Variants in ASAP1 observed in about 807,000 individuals in gnomAD.
ASAP1 encodes the protein ArfGAP with SH3 domain, ankyrin repeat and PH domain 1.
A neutral mutation model predicts 145.2 loss-of-function variants in ASAP1; 43 were observed. The ratio of observed to expected loss-of-function variants is 0.30; its 90% confidence interval spans 0.23 to 0.38. The LOEUF (loss-of-function observed/expected upper bound fraction) is 0.38. ASAP1 is among the 10% of genes least tolerant of loss of function. ASAP1 has a pLI of 1.00. For synonymous variants in ASAP1, 546 were observed against 515.5 expected (o/e 1.06, Z -0.80); for missense variants, 1,018 against 1,355.3 (o/e 0.75, Z 3.91).
At chr8:130,123,939 AAG>A (rs1491534531) in intron 18 of ASAP1, 72 bp downstream of exon 18, 37 of 1,218,458 alleles carry the variant, frequency 3.0e-5, no homozygotes, top group Middle Eastern at 4.5e-4. Flanking sequence ...AAAAAAAAAA[AAG>A]AAGTTTTTTG....
chr8:130,197,516 C>T (rs1394915399), intron 5 of ASAP1, among the ~76,000 whole-genome samples: 1 of 152,214 alleles, frequency 6.6e-6, no homozygotes, highest in South Asian at 2.1e-4. Context: ...AGAGGTGGCT[C>T]GTTTTACACA....
At chr8:130,182,295 C>T (rs1814407533) in intron 7 of ASAP1, among the ~76,000 whole-genome samples, 2 of 152,172 alleles carry the variant, frequency 1.3e-5, no homozygotes, top group South Asian at 4.1e-4. Context: ...AACAGATAAT[C>T]TCCCAAAGAA....
At chr8:130,184,839 C>T (rs1814610099) in intron 7 of ASAP1, among the ~76,000 whole-genome samples, 1 of 152,224 alleles carries the variant, frequency 6.6e-6, no homozygotes, top group Admixed American at 6.5e-5. Flanking sequence ...CTTCAACACA[C>T]TACCTTATCT....
At chr8:130,332,111 G>A (rs1313128002) in intron 3 of ASAP1, among the ~76,000 whole-genome samples, 1 of 152,174 alleles carries the variant, frequency 6.6e-6, no homozygotes, top group Non-Finnish European at 1.5e-5. Flanking sequence ...TTGGGTCACA[G>A]AGTAAACATT....
At chr8:130,079,814 C>T in intron 26 of ASAP1, 88 bp downstream of exon 26, 2 of 1,385,108 alleles carry the variant, frequency 1.4e-6, no homozygotes, top group Non-Finnish European at 2.0e-6. Flanking sequence ...TTGAGCAGCG[C>T]TGGGAAATTC....
intron 4 of ASAP1, among the ~76,000 whole-genome samples, chr8:130,218,975 A>C (rs911268510): frequency 6.6e-6 from 1 of 152,100 alleles, no homozygotes; most frequent in Non-Finnish European, 1.5e-5. Flanking sequence ...AAAATATAAC[A>C]GTTTAGTAAG....
chr8:130,298,049 A>C (rs569018938), intron 3 of ASAP1, among the ~76,000 whole-genome samples: 1 of 152,176 alleles, frequency 6.6e-6, no homozygotes, highest in Non-Finnish European at 1.5e-5. Flanking sequence ...CCATGTCTTC[A>C]TTGCTAAACA....
intron 2 of ASAP1, 130 bp downstream of exon 2, chr8:130,401,755 T>C: frequency 2.6e-6 from 2 of 781,022 alleles, no homozygotes; most frequent in South Asian, 3.7e-5. Context: ...CCAATAACAA[T>C]CGTGCACACA....
chr8:130,118,073 A>G, intron 20 of ASAP1, 88 bp downstream of exon 20: 1 of 1,140,138 alleles, frequency 8.8e-7, no homozygotes, highest in Non-Finnish European at 1.3e-6. Flanking sequence ...AAGCTTGCCA[A>G]TTCCCGATCT....
intron 2 of ASAP1, among the ~76,000 whole-genome samples, chr8:130,393,562 C>A (rs1308427453): frequency 2.0e-5 from 3 of 152,168 alleles, no homozygotes; most frequent in Non-Finnish European, 4.4e-5. Context: ...TCAAGAACAG[C>A]CTGACCAACA....
intron 3 of ASAP1, 115 bp downstream of exon 3, chr8:130,357,902 G>T: frequency 7.1e-7 from 1 of 1,404,560 alleles, no homozygotes; most frequent in Non-Finnish European, 9.6e-7. Context: ...GGCTCCCTGA[G>T]GGGGTGTGGC....
At chr8:130,345,942 C>T (rs1825678149) in intron 3 of ASAP1, among the ~76,000 whole-genome samples, 1 of 152,208 alleles carries the variant, frequency 6.6e-6, no homozygotes, top group Non-Finnish European at 1.5e-5. Flanking sequence ...TAAGCATCTG[C>T]AGCACAACCT....
chr8:130,249,690 A>G (rs1212131007), intron 3 of ASAP1, among the ~76,000 whole-genome samples: 4 of 152,162 alleles, frequency 2.6e-5, no homozygotes, highest in Non-Finnish European at 5.9e-5. Context: ...AACAGTTATT[A>G]ATCTTTTAAG....
At chr8:130,391,207 T>C (rs76176561) in intron 2 of ASAP1, among the ~76,000 whole-genome samples, 1,638 of 152,244 alleles carry the variant, frequency 0.011, 25 homozygotes, top group African/African-American at 0.038. Context: ...ATTCCACTTA[T>C]AAAAGATACC....
intron 3 of ASAP1, among the ~76,000 whole-genome samples, chr8:130,245,901 T>C (rs1309651181): frequency 5.3e-5 from 8 of 152,150 alleles, no homozygotes; most frequent in Admixed American, 5.2e-4. Context: ...TATTTTTTGT[T>C]TGGGTAGCAC....
chr8:130,167,479 AT>A lies in ASAP1; in HGVS notation c.909+56del, dbSNP rs764382552. 5.8e-6 allele frequency: 8 copies of A among 1,375,538 alleles called. No homozygotes were observed. In the East Asian group the frequency reaches 1.4e-4, roughly 24 times the overall value. The allele number at this position is 1,375,538 out of a possible 1,614,324, so 85.2% of individuals were successfully genotyped here. On this transcript the variant is annotated intron_variant, in intron 11 of 29. Coordinates refer to ENST00000518721, the MANE Select transcript of ASAP1 (RefSeq NM_018482.4). ...TTGCAGATCAGGAAACACAAAGGGT[AT>A]TACAAGCAGCCTTACCTACACTGTT...
intron 26 of ASAP1, 34 bp downstream of exon 26, chr8:130,079,868 C>T (rs1181851256): frequency 1.3e-6 from 2 of 1,591,662 alleles, no homozygotes; most frequent in African/African-American, 2.7e-5. Context: ...ATCAATGGAT[C>T]CAACAGGGGA....
chr8:130,385,382 G>T (rs556731712), intron 2 of ASAP1, among the ~76,000 whole-genome samples: 35 of 152,232 alleles, frequency 2.3e-4, no homozygotes, highest in Admixed American at 3.9e-4. Flanking sequence ...CCCAGAGTTG[G>T]TGAATTAAGA....
chr8:130,143,412 T>G (rs1211578541), intron 13 of ASAP1, among the ~76,000 whole-genome samples: 2 of 52,162 alleles, frequency 3.8e-5, no homozygotes, highest in Admixed American at 5.0e-4. Context: ...GAGATGTCTG[T>G]TTTTTTTTTT....
Sources: allele counts gnomAD v4.1 joint callset (sites outside exome capture counted in the v4.1 genomes callset), GRCh38; gene constraint gnomAD v4.1.1; transcripts MANE v1.5; gene names NCBI Gene and HGNC (gene_info 2026-07-23, HGNC 2026-07-21).